Variants in TDP1 observed in about 807,000 individuals in gnomAD.
TDP1 encodes the protein tyr-DNA phosphodiesterase 1.
In TDP1, 64 loss-of-function variants were observed where a neutral mutation model predicts 81.5. The ratio of observed to expected loss-of-function variants is 0.79; its 90% CI spans 0.64 to 0.97. The LOEUF is 0.97. TDP1 is among the 50% of genes least tolerant of loss of function. TDP1 has a pLI of 0.00. For synonymous variants in TDP1, 256 were observed against 264.3 expected (o/e 0.97, Z 0.30); for missense variants, 723 against 743.8 (o/e 0.97, Z 0.33).
chr14:90,013,904 C>G (rs1885009680), intron 14 of TDP1, among the ~76,000 whole-genome samples: 1 of 152,126 alleles, frequency 6.6e-6, no homozygotes, highest in South Asian at 2.1e-4. Flanking sequence ...ACTTGTTCCC[C>G]CTTGCCTTCT....
chr14:89,983,145 A>AGGAGCCTCACTCAGCCTG (rs748933902), intron 8 of TDP1: 3 of 456,000 alleles, frequency 6.6e-6, no homozygotes, highest in South Asian at 4.6e-5. Context: ...CTGATCCAGG[A>AGGAGCCTCACTCAGCCTG]GGAGCCTCAC....
intron 14 of TDP1, among the ~76,000 whole-genome samples, chr14:90,016,347 C>T (rs1457781425): frequency 1.3e-5 from 2 of 152,148 alleles, no homozygotes; most frequent in Non-Finnish European, 2.9e-5. Flanking sequence ...CCAGCCGAGA[C>T]AGCAGCCATT....
rs574622349 is a variant in TDP1 at position 89,959,577 on chromosome 14, C to G, written c.-8+2777C>G. Among the ~76,000 whole-genome samples, 573 of 152,282 alleles carry G rather than the reference C, an allele frequency of 3.8e-3. 4 individuals carry two copies. The highest frequency in any genetic ancestry group is 4.2e-3 in the Non-Finnish European group (283 of 68,032). ...TTGTATTAGGTTGTAATAAGCAACT[C>G]AGGCATATTTTTGAGTTTCAGCAGG... On this transcript the variant is annotated intron_variant, in intron 2 of 16. Coordinates refer to ENST00000335725, the MANE Select transcript of TDP1 (RefSeq NM_018319.4).
In TDP1 at chr14:89,979,061, A is replaced by G. The variant is rs150277767; in HGVS notation, c.792-1479A>G. ...GTTCACTTTTTTTTGCCATGTGTGA[A>G]TTGAGTTTCATCAGTAAGTATTAAG... On this transcript the variant is annotated intron_variant, in intron 7 of 16. Coordinates refer to ENST00000335725, the MANE Select transcript of TDP1 (RefSeq NM_018319.4). Among the ~76,000 whole-genome samples the G allele has an allele frequency of 4.1e-3, 625 of 151,608 alleles. 7 individuals carry two copies. The highest frequency in any genetic ancestry group is 5.4e-3 in the Non-Finnish European group (364 of 68,014).
chr14:90,009,464 A>G (rs147987789), intron 14 of TDP1, among the ~76,000 whole-genome samples: 2 of 152,346 alleles, frequency 1.3e-5, no homozygotes, highest in Admixed American at 6.5e-5. Flanking sequence ...GTCTCATGCT[A>G]CAGAGAGATT....
chr14:89,989,239 A>G (rs1408566148), intron 11 of TDP1, 149 bp downstream of exon 11: 2 of 1,423,918 alleles, frequency 1.4e-6, no homozygotes, highest in South Asian at 1.3e-5. Context: ...CGGAAAGAGC[A>G]GTACATTAGC....
At chr14:89,978,227 A>G (rs1894574860) in intron 7 of TDP1, among the ~76,000 whole-genome samples, 1 of 152,228 alleles carries the variant, frequency 6.6e-6, no homozygotes, top group Admixed American at 6.5e-5. Context: ...GTGTGGTGAA[A>G]GGAGTGCCCT....
At chr14:89,988,829 A>G in intron 10 of TDP1, 76 bp from the exon 11 acceptor site, 2 of 1,597,364 alleles carry the variant, frequency 1.3e-6, no homozygotes, top group South Asian at 1.1e-5. Context: ...AAGAGCAGAA[A>G]ACTGTTTTCA....
chr14:90,035,839 C>T (rs1253784109), intron 16 of TDP1, among the ~76,000 whole-genome samples: 4 of 151,538 alleles, frequency 2.6e-5, no homozygotes, highest in Non-Finnish European at 5.9e-5. Context: ...GCACTTCCCA[C>T]CCCCAGCCCT....
intron 6 of TDP1, 110 bp from the exon 7 acceptor site, chr14:89,975,671 A>G: frequency 8.9e-7 from 1 of 1,124,868 alleles, no homozygotes; most frequent in Non-Finnish European, 1.3e-6. Flanking sequence ...AGAGATCAGT[A>G]AAAATAGTTT....
chr14:89,984,915 C>T, intron 9 of TDP1: 1 of 985,034 alleles, frequency 1.0e-6, no homozygotes, highest in African/African-American at 1.7e-5. Flanking sequence ...GGGTTACTCT[C>T]ACAATTATTG....
intron 4 of TDP1, 33 bp downstream of exon 4, chr14:89,966,223 G>T: frequency 2.0e-6 from 3 of 1,465,842 alleles, no homozygotes; most frequent in Non-Finnish European, 2.9e-6. Flanking sequence ...TTTTCTTTGG[G>T]TGAAAGTAGA....
At position 90,028,826 on chromosome 14, in the gene TDP1, G is replaced by A. The variant is rs368209096; in HGVS notation, c.1645-4280G>A. On this transcript the variant is annotated intron_variant, in intron 15 of 16. Transcript: ENST00000335725. ...ATATCACAAAATGGAGTCATGGGTC[G>A]AGCACACAGCCTCAGATCTGGGCCC... 1.7e-3 allele frequency among the ~76,000 whole-genome samples: 255 copies of A among 152,210 alleles called. 7 individuals are homozygous for A. In the South Asian group the frequency reaches 0.051, roughly 30 times the overall value.
intron 15 of TDP1, among the ~76,000 whole-genome samples, chr14:90,024,138 G>GT (rs1207130641): frequency 6.6e-6 from 1 of 152,146 alleles, no homozygotes; most frequent in Non-Finnish European, 1.5e-5. Context: ...TGGAGATCCT[G>GT]TAAGGTAGAA....
Position 89,955,948 on chromosome 14 carries a change from A to G in TDP1, c.-253A>G, listed in dbSNP as rs1891511691. 1 of 152,324 alleles carries G rather than the reference A, an allele frequency of 6.6e-6. No individual in the cohort carries two copies. The highest frequency in any genetic ancestry group is 2.1e-4 in the South Asian group (1 of 4,836). The allele number at this position is 152,324 out of a possible 1,614,324, so 9.4% of individuals were successfully genotyped here. On this transcript the variant is annotated 5_prime_UTR_variant, in exon 1 of 17. Coordinates refer to ENST00000335725, the MANE Select transcript of TDP1 (RefSeq NM_018319.4). ...CGCCGAAGGGGCGGGATCCGAGGCAAGCGTTGGTTCTGTGCGCCTCAGGTA... is the reference window on the plus strand; with the variant it reads ...CGCCGAAGGGGCGGGATCCGAGGCAGGCGTTGGTTCTGTGCGCCTCAGGTA...
intron 2 of TDP1, among the ~76,000 whole-genome samples, chr14:89,960,290 C>T (rs1343247750): frequency 3.3e-5 from 5 of 151,780 alleles, no homozygotes; most frequent in South Asian, 2.1e-4. Flanking sequence ...TTTTTCAAAC[C>T]GGAAGGATTA....
chr14:90,018,286 C>T (rs1885554321), intron 14 of TDP1, among the ~76,000 whole-genome samples: 1 of 152,028 alleles, frequency 6.6e-6, no homozygotes, highest in Admixed American at 6.6e-5. Flanking sequence ...CTTGGGTGAG[C>T]CTAACTGAAA....
chr14:89,973,821 T>C (rs10132460), intron 6 of TDP1, among the ~76,000 whole-genome samples: 13,680 of 152,030 alleles, frequency 0.09, 1,357 homozygotes, highest in African/African-American at 0.24. Flanking sequence ...TTCTGGAAGC[T>C]GGGAATTCAG....
At chr14:89,985,455 TAAAG>T (rs563369002) in intron 10 of TDP1, among the ~76,000 whole-genome samples, 72 of 152,344 alleles carry the variant, frequency 4.7e-4, no homozygotes, top group African/African-American at 1.7e-3. Flanking sequence ...TATATTGTAA[TAAAG>T]ATAGAGGCTT....
Sources: gnomAD v4.1 joint callset for allele counts (sites outside exome capture counted in the v4.1 genomes callset) on GRCh38, gnomAD v4.1.1 for gene constraint, MANE v1.5 for transcripts, NCBI Gene and HGNC (gene_info 2026-07-23, HGNC 2026-07-21) for gene names.